Variants in ITGBL1 observed in about 807,000 individuals in gnomAD.
ITGBL1 encodes the protein integrin beta-like protein 1.
Under a neutral mutation model 68.5 loss-of-function variants are expected in ITGBL1, and 51 were observed. That is an observed-to-expected ratio of 0.74 (90% CI 0.59 to 0.94). ITGBL1 has a LOEUF of 0.94. ITGBL1 is among the 40% of genes least tolerant of loss of function. ITGBL1 has a pLI of 0.00. For synonymous variants in ITGBL1, 209 were observed against 227.3 expected, an observed-to-expected ratio of 0.92 and a Z score of 0.72; for missense variants, 649 against 647.4, an observed-to-expected ratio of 1.00 and a Z score of -0.03.
chr13:101,713,191 T>C (rs1015070415), intron 9 of ITGBL1: 3 of 152,216 alleles, frequency 2.0e-5, no homozygotes, highest in Admixed American at 6.5e-5. Flanking sequence ...TTCCCTGATA[T>C]GAAATATCAC....
chr13:101,635,110 A>G (rs2032125111), intron 7 of ITGBL1, among the ~76,000 whole-genome samples: 1 of 152,088 alleles, frequency 6.6e-6, no homozygotes. Context: ...GAAAATGAGA[A>G]TGTACAATTA....
intron 2 of ITGBL1, among the ~76,000 whole-genome samples, chr13:101,535,869 G>C (rs1181696600): frequency 6.6e-6 from 1 of 152,060 alleles, no homozygotes; most frequent in Non-Finnish European, 1.5e-5. Flanking sequence ...TCATATGGCT[G>C]TTAGGAACTA....
intron 2 of ITGBL1, among the ~76,000 whole-genome samples, chr13:101,547,723 C>T (rs541230597): frequency 9.2e-5 from 14 of 151,430 alleles, no homozygotes; most frequent in Non-Finnish European, 1.5e-4. Flanking sequence ...TTTTTTAATA[C>T]GGAGAAAGGA....
chr13:101,660,184 C>T (rs928628559), intron 7 of ITGBL1, among the ~76,000 whole-genome samples: 9 of 152,130 alleles, frequency 5.9e-5, no homozygotes, highest in Non-Finnish European at 8.8e-5. Flanking sequence ...GGCCACACCA[C>T]GTGGGAGACA....
At chr13:101,500,463 G>A (rs921572057) in intron 2 of ITGBL1, among the ~76,000 whole-genome samples, 3 of 152,128 alleles carry the variant, frequency 2.0e-5, no homozygotes, top group Admixed American at 6.5e-5. Context: ...TCTCAGGAGC[G>A]AAATGTTCTT....
At chr13:101,493,619 G>A (rs963207352) in intron 2 of ITGBL1, among the ~76,000 whole-genome samples, 4 of 152,044 alleles carry the variant, frequency 2.6e-5, no homozygotes, top group African/African-American at 9.7e-5. Context: ...TGTTCATCCT[G>A]CCAATATATT....
chr13:101,541,910 A>G (rs1293882043), intron 2 of ITGBL1, among the ~76,000 whole-genome samples: 3 of 151,984 alleles, frequency 2.0e-5, no homozygotes, highest in African/African-American at 7.3e-5. Context: ...TATCCCCTTT[A>G]TCATTTTTTA....
chr13:101,452,820 C>T lies in ITGBL1; in HGVS notation c.-14C>T, dbSNP rs375910723. On this transcript the variant is annotated 5_prime_UTR_variant, in exon 1 of 11. Transcript: ENST00000376180. The stretch of plus-strand genomic sequence containing the variant: ...CAGAAGTGCAGCTCGCCCGGAGCAG[C>T]CCAGGAGCTCAGCATGCGTCCCCCA... 12 of 1,611,408 alleles carry T rather than the reference C, an allele frequency of 7.4e-6. No individual in the cohort carries two copies. Among genetic ancestry groups the T allele is most frequent in the Non-Finnish European group, 3.4e-6 (4 of 1,177,886 alleles).
chr13:101,550,055 T>C (rs1036400066), intron 2 of ITGBL1, among the ~76,000 whole-genome samples: 63 of 152,308 alleles, frequency 4.1e-4, no homozygotes, highest in African/African-American at 1.5e-3. Flanking sequence ...TATGGCTATA[T>C]ACTATAGTCA....
intron 6 of ITGBL1, among the ~76,000 whole-genome samples, chr13:101,594,842 G>C (rs1489436243): frequency 6.6e-6 from 1 of 152,168 alleles, no homozygotes; most frequent in Non-Finnish European, 1.5e-5. Flanking sequence ...GGGAGGCCGA[G>C]GTGGGCAAAT....
intron 7 of ITGBL1, among the ~76,000 whole-genome samples, chr13:101,677,910 C>T (rs934257647): frequency 2.6e-5 from 4 of 151,998 alleles, no homozygotes; most frequent in African/African-American, 4.8e-5. Context: ...GCTTACATCC[C>T]GAATATGATG....
chr13:101,685,013 T>C (rs769351040), intron 7 of ITGBL1, among the ~76,000 whole-genome samples: 1 of 152,004 alleles, frequency 6.6e-6, no homozygotes, highest in African/African-American at 2.4e-5. Context: ...TTACCTGTTA[T>C]GACATTTCTC....
At chr13:101,466,048 G>T (rs1265065717) in intron 2 of ITGBL1, among the ~76,000 whole-genome samples, 1 of 152,146 alleles carries the variant, frequency 6.6e-6, no homozygotes, top group African/African-American at 2.4e-5. Flanking sequence ...AAACTTGGAG[G>T]GGAGGGGATC....
chr13:101,567,966 T>C, intron 3 of ITGBL1, 121 bp downstream of exon 3: 1 of 754,914 alleles, frequency 1.3e-6, no homozygotes, highest in East Asian at 2.9e-5. Context: ...GTATGTTTTT[T>C]AGAAGTGAAA....
chr13:101,460,425 G>A (rs1189452733), intron 2 of ITGBL1, among the ~76,000 whole-genome samples: 3 of 152,076 alleles, frequency 2.0e-5, no homozygotes, highest in East Asian at 1.9e-4. Flanking sequence ...GCCATTTTTC[G>A]GGAGCTCTAC....
intron 7 of ITGBL1, among the ~76,000 whole-genome samples, chr13:101,630,934 A>G (rs1039769057): frequency 3.3e-5 from 5 of 152,170 alleles, no homozygotes; most frequent in Admixed American, 2.6e-4. Context: ...CTGCTAAAAT[A>G]ATTTTGAAGC....
chr13:101,633,972 GTGA>G (rs1472299962), intron 7 of ITGBL1, among the ~76,000 whole-genome samples: 1 of 151,764 alleles, frequency 6.6e-6, no homozygotes, highest in East Asian at 1.9e-4. Flanking sequence ...GTACTGTGGT[GTGA>G]TGATGCATAA....
At chr13:101,519,932 T>C (rs1486063292) in intron 2 of ITGBL1, among the ~76,000 whole-genome samples, 6 of 152,188 alleles carry the variant, frequency 3.9e-5, no homozygotes, top group Non-Finnish European at 5.9e-5. Flanking sequence ...TACTCATTGA[T>C]GTAGTAATAT....
intron 2 of ITGBL1, among the ~76,000 whole-genome samples, chr13:101,524,199 A>C (rs1372924894): frequency 6.6e-6 from 1 of 151,946 alleles, no homozygotes; most frequent in Non-Finnish European, 1.5e-5. Flanking sequence ...AGAAGGTTGA[A>C]AGAAGGGAAC....
Sources: allele counts gnomAD v4.1 joint callset (sites outside exome capture counted in the v4.1 genomes callset), GRCh38; gene constraint gnomAD v4.1.1; transcripts MANE v1.5; gene names NCBI Gene and HGNC (gene_info 2026-07-23, HGNC 2026-07-21).